The following KYNU variants were observed in gnomAD, a reference collection of about 807,000 sequenced individuals.
KYNU encodes L-kynurenine hydrolase.
In KYNU, 54 loss-of-function variants were observed where a neutral mutation model predicts 59.2. The ratio of observed to expected loss-of-function variants is 0.91; its 90% CI spans 0.73 to 1.14. The LOEUF is 1.14. KYNU is among the 50% of genes most tolerant of loss of function. KYNU has a pLI of 0.00. For missense variants in KYNU, 567 were observed against 554.4 expected (o/e 1.02, Z -0.23); for synonymous variants, 177 against 192.0 (o/e 0.92, Z 0.65).
At chr2:142,986,995 G>A (rs1365358450) in intron 10 of KYNU, among the ~76,000 whole-genome samples, 1 of 151,534 alleles carries the variant, frequency 6.6e-6, no homozygotes, top group African/African-American at 2.4e-5. Context: ...AGGTTTTAAG[G>A]TTTTAAACTT....
At chr2:142,925,099 G>GA (rs533858941) in intron 3 of KYNU, among the ~76,000 whole-genome samples, 86 of 152,274 alleles carry the variant, frequency 5.6e-4, no homozygotes, top group African/African-American at 2.0e-3. Context: ...GCAGAACATA[G>GA]AATTTTACTA....
At chr2:143,007,714 A>G (rs1397955892) in intron 10 of KYNU, among the ~76,000 whole-genome samples, 1 of 122,606 alleles carries the variant, frequency 8.2e-6, no homozygotes, top group African/African-American at 3.7e-5. Context: ...ATCTCTCGGC[A>G]GAAACCCTAC....
At chr2:143,004,682 C>T (rs997793739) in intron 10 of KYNU, among the ~76,000 whole-genome samples, 5 of 152,126 alleles carry the variant, frequency 3.3e-5, no homozygotes, top group African/African-American at 9.7e-5. Context: ...GCCTGAGTGA[C>T]AGAGCAAGAC....
At chr2:143,041,064 G>A (rs537184072) in intron 13 of KYNU, among the ~76,000 whole-genome samples, 5 of 151,992 alleles carry the variant, frequency 3.3e-5, no homozygotes, top group East Asian at 3.9e-4. Context: ...TTATTTAGTC[G>A]CTTGATCAAA....
chr2:142,916,542 C>T (rs1282602706), intron 2 of KYNU, among the ~76,000 whole-genome samples: 1 of 152,142 alleles, frequency 6.6e-6, no homozygotes, highest in Non-Finnish European at 1.5e-5. Context: ...ATCCTGCCTG[C>T]TGGGTATTAA....
chr2:142,996,082 A>T (rs1346993263), intron 10 of KYNU, among the ~76,000 whole-genome samples: 1 of 152,092 alleles, frequency 6.6e-6, no homozygotes, highest in Non-Finnish European at 1.5e-5. Flanking sequence ...ATATGGCTGA[A>T]GATCTTGACT....
intron 10 of KYNU, among the ~76,000 whole-genome samples, chr2:143,026,701 C>A (rs1214080065): frequency 2.0e-5 from 3 of 152,182 alleles, no homozygotes; most frequent in African/African-American, 7.2e-5. Flanking sequence ...ACTCTCAGAG[C>A]CCCAGAGGGC....
chr2:142,994,966 A>AG (rs1204178378), intron 10 of KYNU, among the ~76,000 whole-genome samples: 3 of 152,124 alleles, frequency 2.0e-5, no homozygotes, highest in Non-Finnish European at 2.9e-5. Flanking sequence ...AACTAGCTAC[A>AG]GACAACTTTA....
At chr2:143,023,562 A>G (rs191618045) in intron 10 of KYNU, among the ~76,000 whole-genome samples, 71 of 151,958 alleles carry the variant, frequency 4.7e-4, no homozygotes, top group African/African-American at 1.6e-3. Flanking sequence ...AGTCTCTGTA[A>G]TGTTTGCTTT....
intron 4 of KYNU, among the ~76,000 whole-genome samples, chr2:142,949,133 G>A (rs1292352874): frequency 6.6e-6 from 1 of 152,200 alleles, no homozygotes; most frequent in African/African-American, 2.4e-5. Flanking sequence ...CAAGAGGTGG[G>A]TTCCCATGTG....
intron 1 of KYNU, among the ~76,000 whole-genome samples, chr2:142,882,187 T>A (rs929411386): frequency 5.4e-4 from 82 of 152,114 alleles, no homozygotes; most frequent in African/African-American, 1.8e-3. Flanking sequence ...AAATAATCTA[T>A]CCACCAGTCC....
intron 7 of KYNU, 78 bp downstream of exon 7, chr2:142,957,793 T>TA: frequency 3.3e-6 from 3 of 909,088 alleles, no homozygotes; most frequent in Non-Finnish European, 5.4e-6. Context: ...AAAAGTTTAT[T>TA]AAAATCTTCA....
intron 8 of KYNU, among the ~76,000 whole-genome samples, chr2:142,968,329 A>T (rs1192482294): frequency 6.6e-6 from 1 of 152,178 alleles, no homozygotes; most frequent in Non-Finnish European, 1.5e-5. Context: ...GAAAGTTAAA[A>T]ATATTGGTAG....
chr2:142,957,679 C>G lies in KYNU; in HGVS notation c.546C>G (p.Asn182Lys). The change falls in exon 7 of 14, where the codon AAC (asparagine) becomes AAG (lysine). Residue 182 changes from asparagine to lysine, a missense_variant. Coordinates refer to ENST00000264170, the MANE Select transcript of KYNU (RefSeq NM_003937.3). ...IESQLQLHGL[N>K]IEESMRMIKP... Reference sequence around the variant, plus strand: ...CACAACTACAACTTCACGGACTTAACATTGAAGAAAGTATGCGGATGATAA... The same window carrying G: ...CACAACTACAACTTCACGGACTTAAGATTGAAGAAAGTATGCGGATGATAA... 6.2e-7 allele frequency: 1 copy of G among 1,605,954 alleles called. No homozygotes were observed. Among genetic ancestry groups the G allele is most frequent in the Non-Finnish European group, 8.5e-7 (1 of 1,172,998 alleles).
rs188756991 is a variant in KYNU, at chr2:142,934,289, G to A, written c.373+6548G>A. ...TGTGGTGTTTTGTGACTGAGGGTGT[G>A]GAAGTGTCCTAAACAGAGGGGTTAA... is the stretch of plus-strand genomic sequence containing the variant. On this transcript the variant is annotated intron_variant, in intron 4 of 13. Transcript: ENST00000264170. Among the ~76,000 whole-genome samples, 91 of 152,206 alleles carry A rather than the reference G, an allele frequency of 6.0e-4. 2 individuals carry two copies. The Middle Eastern group carries it at 0.027, about 46-fold the overall frequency.
chr2:142,938,565 A>G (rs561945469), intron 4 of KYNU, among the ~76,000 whole-genome samples: 1 of 152,334 alleles, frequency 6.6e-6, no homozygotes, highest in East Asian at 1.9e-4. Flanking sequence ...AGCAGGTTAC[A>G]GTTTGTTTAC....
Position 142,950,199 on chromosome 2 carries a change from C to T in KYNU, c.374-4611C>T, listed in dbSNP as rs191289659. Among the ~76,000 whole-genome samples, 2 of 152,324 alleles carry T rather than the reference C, an allele frequency of 1.3e-5. 1 individual carries two copies. Among genetic ancestry groups the T allele is most frequent in the East Asian group, 3.9e-4 (2 of 5,184 alleles). On this transcript the variant is annotated intron_variant, in intron 4 of 13. Transcript: ENST00000264170. ...AAGTTTCTAGGAAGTTCCAAACTTT[C>T]CCACATTTTCCTGTCTTGTTGTGAA...
intron 3 of KYNU, 139 bp downstream of exon 3, chr2:142,918,868 C>T: frequency 1.1e-6 from 1 of 944,646 alleles, no homozygotes; most frequent in Admixed American, 2.5e-5. Context: ...GGATTAGTTC[C>T]AGGGCCTCCC....
chr2:142,991,942 C>A (rs1168379859), intron 10 of KYNU, among the ~76,000 whole-genome samples: 2 of 151,952 alleles, frequency 1.3e-5, no homozygotes, highest in Admixed American at 6.6e-5. Flanking sequence ...CACTAATAAA[C>A]TCCCTGCTTG....
Sources: gnomAD v4.1 joint callset for allele counts (sites outside exome capture counted in the v4.1 genomes callset) on GRCh38, gnomAD v4.1.1 for gene constraint, MANE v1.5 for transcripts, NCBI Gene and HGNC (gene_info 2026-07-23, HGNC 2026-07-21) for gene names.